Variants in CAMK4 observed in about 807,000 individuals in gnomAD.
The protein encoded by CAMK4 is calcium/calmodulin dependent protein kinase IV.
In CAMK4, 22 loss-of-function variants were observed where a neutral mutation model predicts 44.9. That is an observed-to-expected ratio of 0.49 (90% CI 0.35 to 0.70). CAMK4 has a LOEUF of 0.70. Among genes scored for constraint, CAMK4 ranks in the 30% least tolerant of loss-of-function variants. CAMK4 has a pLI of 0.01. For synonymous variants in CAMK4, 218 were observed against 215.4 expected (o/e 1.01, Z -0.11); for missense variants, 498 against 586.8 (o/e 0.85, Z 1.56).
At chr5:111,226,634 G>A (rs1379706220) in intron 1 of CAMK4, among the ~76,000 whole-genome samples, 1 of 152,178 alleles carries the variant, frequency 6.6e-6, no homozygotes, top group Admixed American at 6.5e-5. Flanking sequence ...TAAATACCGT[G>A]TACAGATGGG....
chr5:111,407,314 G>T lies in CAMK4; in HGVS notation c.459+12532G>T, dbSNP rs534494994. 9.3e-5 allele frequency among the ~76,000 whole-genome samples: 14 copies of T among 149,872 alleles called. No homozygotes were observed. In the East Asian group the frequency reaches 2.7e-3, roughly 29 times the overall value. On this transcript the variant is annotated intron_variant, in intron 5 of 10. Transcript: ENST00000282356. ...TGCAGTAAGCTGAGATCGCGCCACTGCACTCTAGCCTGGGTGACAGAGAGA... is the reference window on the plus strand; with the variant it reads ...TGCAGTAAGCTGAGATCGCGCCACTTCACTCTAGCCTGGGTGACAGAGAGA...
Position 111,344,063 on chromosome 5 carries a change from G to A in CAMK4, c.201G>A (p.Gly67=), listed in dbSNP as rs1396692665. ...TTGTGTACAGATGCAAACAGAAGGG[G>A]ACCCAGAAGCCTTATGCTCTCAAAG... ...TSIVYRCKQK[G]TQKPYALKVL... is the part of the protein sequence containing the mutation. The change falls in exon 2 of 11, where the codon GGG becomes GGA. Residue 67 remains glycine, a synonymous_variant. Transcript: ENST00000282356. 4 of 1,608,230 alleles carry A rather than the reference G, an allele frequency of 2.5e-6. No individual in the cohort carries two copies. The African/African-American group carries it at 5.4e-5, about 22-fold the overall frequency.
intron 2 of CAMK4, among the ~76,000 whole-genome samples, chr5:111,346,410 T>C (rs1475992898): frequency 6.6e-6 from 1 of 151,916 alleles, no homozygotes; most frequent in Non-Finnish European, 1.5e-5. Flanking sequence ...TTGGGACTAC[T>C]ATATTACTTC....
chr5:111,325,076 G>C (rs392241), intron 1 of CAMK4, among the ~76,000 whole-genome samples: 1 of 151,614 alleles, frequency 6.6e-6, no homozygotes, highest in East Asian at 2.0e-4. Context: ...TTCAACTCCC[G>C]CTTATGAGTG....
rs371603420 is a variant in CAMK4, at chr5:111,374,865, G to A, written c.256G>A (p.Val86Ile). Residue 86 changes from valine (V) to isoleucine (I), a missense_variant, in exon 3 of 11, where the codon GTA becomes ATA. Physicochemically the swap from Val to Ile is conservative, Grantham distance 29. Transcript: ENST00000282356. ...TGCCTTTTAGGTGGACAAAAAAATC[G>A]TAAGAACTGAGATAGGAGTTCTTCT... ...VLKKTVDKKI[V>I]RTEIGVLLRL... is the part of the protein sequence containing the mutation. 46 of 1,610,606 alleles carry A rather than the reference G, an allele frequency of 2.9e-5. No homozygotes were observed. Among genetic ancestry groups the A allele is most frequent in the African/African-American group, 1.1e-4 (8 of 74,798 alleles).
At chr5:111,260,293 C>T (rs1388368485) in intron 1 of CAMK4, among the ~76,000 whole-genome samples, 3 of 152,186 alleles carry the variant, frequency 2.0e-5, no homozygotes, top group East Asian at 1.9e-4. Context: ...TCAGTCCTTA[C>T]ATTAGTCAAT....
chr5:111,405,295 C>T (rs1752379801), intron 5 of CAMK4, among the ~76,000 whole-genome samples: 1 of 152,078 alleles, frequency 6.6e-6, no homozygotes, highest in Non-Finnish European at 1.5e-5. Context: ...TGGTGAAACC[C>T]CATCTCTACT....
chr5:111,263,431 A>G (rs1387560314), intron 1 of CAMK4, among the ~76,000 whole-genome samples: 4 of 152,094 alleles, frequency 2.6e-5, no homozygotes, highest in Non-Finnish European at 5.9e-5. Flanking sequence ...AAATACTGTT[A>G]TTTACTTCTC....
At position 111,412,774 on chromosome 5, in the gene CAMK4, A is replaced by G. The variant is rs73216092; in HGVS notation, c.459+17992A>G. Among the ~76,000 whole-genome samples, 235 of 152,342 alleles carry G rather than the reference A, an allele frequency of 1.5e-3. 1 individual carries two copies. Among genetic ancestry groups the G allele is most frequent in the African/African-American group, 5.4e-3 (225 of 41,594 alleles). On this transcript the variant is annotated intron_variant, in intron 5 of 10. Transcript: ENST00000282356. ...CATAAGACACAGCTACCAGTGTGTC[A>G]TCTTAGTTTATCACTGCCATGGCTA...
At chr5:111,453,267 C>A (rs749704848) in intron 7 of CAMK4, among the ~76,000 whole-genome samples, 2 of 151,962 alleles carry the variant, frequency 1.3e-5, no homozygotes, top group East Asian at 1.9e-4. Context: ...ATACTAGGGC[C>A]CAGGAGTAGA....
At chr5:111,418,012 G>A (rs193125613) in intron 5 of CAMK4, among the ~76,000 whole-genome samples, 4,406 of 151,550 alleles carry the variant, frequency 0.029, 228 homozygotes, top group African/African-American at 0.1. Context: ...TTTTTTTTAG[G>A]AGAATATGAG....
At chr5:111,331,757 C>T (rs534980044) in intron 1 of CAMK4, among the ~76,000 whole-genome samples, 12 of 151,592 alleles carry the variant, frequency 7.9e-5, no homozygotes, top group South Asian at 4.2e-4. Flanking sequence ...TTGACATAAT[C>T]GATTAATCCT....
At chr5:111,326,666 G>C (rs1203533829) in intron 1 of CAMK4, among the ~76,000 whole-genome samples, 1 of 139,912 alleles carries the variant, frequency 7.1e-6, no homozygotes, top group East Asian at 2.1e-4. Flanking sequence ...CTCTCTGTGT[G>C]TGTGTAAAGC....
chr5:111,333,355 A>G (rs561398456), intron 1 of CAMK4, among the ~76,000 whole-genome samples: 28 of 151,778 alleles, frequency 1.8e-4, no homozygotes, highest in Middle Eastern at 3.4e-3. Flanking sequence ...TTTTCGCAAG[A>G]TGTTTGATTA....
At chr5:111,432,658 G>GTA (rs1753495217) in intron 5 of CAMK4, among the ~76,000 whole-genome samples, 1 of 118,086 alleles carries the variant, frequency 8.5e-6, no homozygotes, top group Non-Finnish European at 1.8e-5. Flanking sequence ...GTATATATGT[G>GTA]TGTGTATATA....
chr5:111,435,668 C>T (rs1016765241), intron 5 of CAMK4, among the ~76,000 whole-genome samples: 2 of 152,188 alleles, frequency 1.3e-5, no homozygotes, highest in Non-Finnish European at 2.9e-5. Context: ...TTTCCCATTA[C>T]AAAAATTTGC....
At position 111,425,376 on chromosome 5, in the gene CAMK4, G is replaced by A. The variant is rs192645746; in HGVS notation, c.460-21310G>A. On this transcript the variant is annotated intron_variant, in intron 5 of 10. Coordinates refer to ENST00000282356, the MANE Select transcript of CAMK4 (RefSeq NM_001744.6). ...ATCAGATTGGTCTCACCTGGCACAG[G>A]TGGTGCCAGAGCCTATGCATAACAA... Among the ~76,000 whole-genome samples, 22 of 152,308 alleles carry A rather than the reference G, an allele frequency of 1.4e-4. No individual in the cohort carries two copies. The East Asian group carries it at 3.9e-3, about 27-fold the overall frequency.
chr5:111,446,838 T>A (rs998242847), intron 6 of CAMK4, 62 bp downstream of exon 6: 13 of 990,890 alleles, frequency 1.3e-5, no homozygotes, highest in Non-Finnish European at 2.0e-5. Flanking sequence ...TTTTACTGTG[T>A]GGAATTTTTA....
chr5:111,430,156 G>A (rs1417767482), intron 5 of CAMK4, among the ~76,000 whole-genome samples: 1 of 152,160 alleles, frequency 6.6e-6, no homozygotes, highest in African/African-American at 2.4e-5. Flanking sequence ...TACAAGGATG[G>A]TTCAACATAT....
Sources: allele counts gnomAD v4.1 joint callset (sites outside exome capture counted in the v4.1 genomes callset), GRCh38; gene constraint gnomAD v4.1.1; transcripts MANE v1.5; gene names NCBI Gene and HGNC (gene_info 2026-07-23, HGNC 2026-07-21).